Variants in ESRRG observed in about 807,000 individuals in gnomAD.
The protein encoded by ESRRG is estrogen related receptor gamma, also known as estrogen-related receptor gamma.
In ESRRG, 13 loss-of-function variants were observed where a neutral mutation model predicts 44.0. The ratio of observed to expected loss-of-function variants is 0.30; its 90% CI spans 0.19 to 0.47. The LOEUF is 0.47. Among genes scored for constraint, ESRRG ranks in the 20% least tolerant of loss-of-function variants. The probability of loss-of-function intolerance (pLI) is 1.00; values close to 1 mark genes in which losing one functional copy is unlikely to be tolerated. For synonymous variants in ESRRG, 215 were observed against 214.6 expected, an observed-to-expected ratio of 1.00 and a Z score of -0.02; for missense variants, 395 against 580.6, an observed-to-expected ratio of 0.68 and a Z score of 3.29.
rs184052584 is a variant in ESRRG at position 216,774,438 on chromosome 1, A to T, written c.-13-96947T>A. ...ATTGCAAAAGCAACATGAAATTCTA[A>T]ACTTCAGTCTCCTCTGTACATCAGT... On this transcript the variant is annotated intron_variant, in intron 2 of 7. Coordinates refer to the ESRRG transcript ENST00000359162. 1.9e-3 allele frequency among the ~76,000 whole-genome samples: 294 copies of T among 152,170 alleles called. 2 individuals carry two copies. The highest frequency in any genetic ancestry group is 6.9e-3 in the African/African-American group (286 of 41,524).
chr1:217,019,954 C>A (rs547495377), intron 1 of ESRRG, among the ~76,000 whole-genome samples: 1 of 152,262 alleles, frequency 6.6e-6, no homozygotes, highest in East Asian at 1.9e-4. Context: ...GGAGTTAGGG[C>A]ATGGTACTTT....
chr1:216,933,448 A>AG (rs2063658252), intron 2 of ESRRG, among the ~76,000 whole-genome samples: 2 of 151,694 alleles, frequency 1.3e-5, no homozygotes, highest in Non-Finnish European at 2.9e-5. Context: ...AAAAAAAAAA[A>AG]TTCGTTTGAA....
intron 5 of ESRRG, among the ~76,000 whole-genome samples, chr1:216,560,964 G>C (rs529984107): frequency 6.6e-6 from 1 of 152,106 alleles, no homozygotes; most frequent in African/African-American, 2.4e-5. Flanking sequence ...AGGGCTATTA[G>C]GGCACCATCA....
upstream of ESRRG, among the ~76,000 whole-genome samples, chr1:216,724,827 G>A (rs1323435288): frequency 6.6e-6 from 1 of 151,920 alleles, no homozygotes; most frequent in Non-Finnish European, 1.5e-5. Flanking sequence ...AATGTACATT[G>A]GAATAGATAC....
At chr1:216,931,773 G>A (rs2063372953) in intron 2 of ESRRG, among the ~76,000 whole-genome samples, 1 of 144,892 alleles carries the variant, frequency 6.9e-6, no homozygotes, top group Non-Finnish European at 1.5e-5. Context: ...AGAATAAAAA[G>A]ATTATTTTTC....
At chr1:216,876,502 T>C (rs1465206133) in intron 2 of ESRRG, among the ~76,000 whole-genome samples, 1 of 152,110 alleles carries the variant, frequency 6.6e-6, no homozygotes, top group East Asian at 1.9e-4. Context: ...CAATTGATCA[T>C]TGTATCTAGA....
At chr1:216,545,189 A>G (rs1203096003) in intron 5 of ESRRG, among the ~76,000 whole-genome samples, 1 of 151,588 alleles carries the variant, frequency 6.6e-6, no homozygotes, top group Admixed American at 6.6e-5. Flanking sequence ...GTAGGACTAC[A>G]GGCATACACC....
intron 2 of ESRRG, among the ~76,000 whole-genome samples, chr1:216,852,724 G>A (rs1209951834): frequency 6.6e-6 from 1 of 152,118 alleles, no homozygotes; most frequent in East Asian, 1.9e-4. Flanking sequence ...TGATTTTTCA[G>A]ATTAAGGTAT....
chr1:216,910,037 T>A (rs571147999), intron 2 of ESRRG, among the ~76,000 whole-genome samples: 2 of 152,286 alleles, frequency 1.3e-5, no homozygotes, highest in South Asian at 4.1e-4. Context: ...ATAATTTCAA[T>A]CAGATACATC....
chr1:217,058,427 G>A (rs914881969), intron 1 of ESRRG, among the ~76,000 whole-genome samples: 3 of 152,048 alleles, frequency 2.0e-5, no homozygotes, highest in African/African-American at 7.2e-5. Flanking sequence ...ATGAGCTTCC[G>A]ATGATCAAAA....
intron 2 of ESRRG, among the ~76,000 whole-genome samples, chr1:216,868,714 A>C (rs982551272): frequency 1.3e-5 from 2 of 152,190 alleles, no homozygotes; most frequent in African/African-American, 4.8e-5. Context: ...GTTGCTCTAC[A>C]GTCTCATCAG....
At chr1:216,699,745 C>T (rs1284121715) in intron 1 of ESRRG, among the ~76,000 whole-genome samples, 2 of 152,144 alleles carry the variant, frequency 1.3e-5, no homozygotes, top group African/African-American at 4.8e-5. Flanking sequence ...GGAAAACCTT[C>T]AACACCATGT....
intron 2 of ESRRG, among the ~76,000 whole-genome samples, chr1:216,749,885 A>G (rs1041138757): frequency 6.6e-6 from 1 of 152,216 alleles, no homozygotes; most frequent in African/African-American, 2.4e-5. Flanking sequence ...GAATTTTTGC[A>G]TCATAAACTT....
At chr1:217,104,008 G>A (rs1056611146) in intron 1 of ESRRG, among the ~76,000 whole-genome samples, 3 of 152,124 alleles carry the variant, frequency 2.0e-5, no homozygotes, top group Admixed American at 6.5e-5. Flanking sequence ...ATGAAAAGAA[G>A]CACTGTTTGC....
chr1:216,984,050 G>T (rs907105387), intron 1 of ESRRG, among the ~76,000 whole-genome samples: 5 of 124,188 alleles, frequency 4.0e-5, no homozygotes, highest in African/African-American at 1.6e-4. Context: ...AATAAGAATG[G>T]GGGGGGGTAT....
intron 3 of ESRRG, among the ~76,000 whole-genome samples, chr1:216,650,396 C>T (rs996823510): frequency 2.0e-5 from 3 of 152,114 alleles, no homozygotes; most frequent in African/African-American, 7.2e-5. Context: ...TTCCTGGCTC[C>T]ACCAATTATA....
intron 1 of ESRRG, among the ~76,000 whole-genome samples, chr1:217,007,500 A>G (rs1000052147): frequency 2.6e-5 from 4 of 152,196 alleles, no homozygotes; most frequent in African/African-American, 9.6e-5. Context: ...CCTCAGCTCA[A>G]TGTCTAAAAA....
chr1:217,082,468 C>T (rs146259933), intron 1 of ESRRG, among the ~76,000 whole-genome samples: 2,412 of 152,254 alleles, frequency 0.016, 38 homozygotes, highest in South Asian at 0.051. Flanking sequence ...CAAAATCATA[C>T]GGCAATAAGT....
At chr1:216,728,184 G>A (rs958199917), upstream of ESRRG, among the ~76,000 whole-genome samples, 2 of 152,020 alleles carry the variant, frequency 1.3e-5, no homozygotes, top group Non-Finnish European at 2.9e-5. Flanking sequence ...AATAGTTAAC[G>A]TTTTGAGATT....
Sources: allele counts gnomAD v4.1 joint callset (sites outside exome capture counted in the v4.1 genomes callset), GRCh38; gene constraint gnomAD v4.1.1; transcripts MANE v1.5; gene names NCBI Gene and HGNC (gene_info 2026-07-23, HGNC 2026-07-21).